TMC5: variants seen among roughly 807,000 people sequenced by gnomAD.
The protein encoded by TMC5 is transmembrane channel-like protein 5.
In TMC5, 86 loss-of-function variants were observed where a neutral mutation model predicts 110.5. The observed-to-expected ratio is 0.78, with a 90% confidence interval of 0.65 to 0.93. TMC5 has a LOEUF of 0.93. Among genes scored for constraint, TMC5 ranks in the 40% least tolerant of loss-of-function variants. TMC5 has a pLI of 0.00. For synonymous variants in TMC5, 455 were observed against 439.5 expected, an observed-to-expected ratio of 1.04 and a Z score of -0.44; for missense variants, 1,144 against 1,222.8, an observed-to-expected ratio of 0.94 and a Z score of 0.96.
At chr16:19,465,551 A>G (rs995020402) in intron 8 of TMC5, among the ~76,000 whole-genome samples, 4 of 152,022 alleles carry the variant, frequency 2.6e-5, no homozygotes, top group African/African-American at 7.2e-5. Context: ...AAATAAATAA[A>G]TAATCTCCCC....
chr16:19,462,377 G>T (rs1245895645), intron 6 of TMC5: 2 of 573,320 alleles, frequency 3.5e-6, no homozygotes, highest in Admixed American at 2.7e-5. Context: ...TGCCAATTGT[G>T]TGGGGGCAAA....
chr16:19,412,206 G>A lies in TMC5; in HGVS notation c.-308+1030G>A, dbSNP rs76795506. On this transcript the variant is annotated intron_variant, in intron 1 of 20. Transcript: ENST00000381414. ...CTGCCTCAGCCTCCCGAGTAGCTGG[G>A]ACCAAAGGCACGCACCACCATGCCT... is the stretch of plus-strand genomic sequence containing the variant. Among the ~76,000 whole-genome samples the A allele has an allele frequency of 4.8e-3, 722 of 151,802 alleles. 6 individuals are homozygous for A. Among genetic ancestry groups the A allele is most frequent in the African/African-American group, 0.016 (667 of 41,362 alleles).
At chr16:19,417,776 G>C (rs1176287257), upstream of TMC5, 1 of 152,206 alleles carries the variant, frequency 6.6e-6, no homozygotes, top group African/African-American at 2.4e-5. Context: ...GGTAGAGGTG[G>C]AAGACTGATT....
intron 8 of TMC5, among the ~76,000 whole-genome samples, chr16:19,465,077 C>A (rs993724611): frequency 1.6e-5 from 1 of 61,410 alleles, no homozygotes; most frequent in East Asian, 3.8e-4. Flanking sequence ...TCCTTCCTTC[C>A]TTCCTTCCTT....
intron 19 of TMC5, among the ~76,000 whole-genome samples, chr16:19,492,710 G>A (rs1968938329): frequency 6.6e-6 from 1 of 151,428 alleles, no homozygotes; most frequent in African/African-American, 2.4e-5. Context: ...AAAGTGCTGG[G>A]ATTACAGCCA....
At chr16:19,481,549 G>A (rs1462596621) in intron 15 of TMC5, 84 bp downstream of exon 15, 3 of 1,047,384 alleles carry the variant, frequency 2.9e-6, no homozygotes, top group Non-Finnish European at 4.5e-6. Flanking sequence ...CCCAGAATCT[G>A]TTGTTTTTAA....
rs571572054 is a variant in TMC5, at chr16:19,492,665, C to T, written c.2826+437C>T. On this transcript the variant is annotated intron_variant, in intron 19 of 21. Coordinates refer to ENST00000542583, the MANE Select transcript of TMC5 (RefSeq NM_001261841.2). ...TTCACCATGTTGGCCAGGCTGGTCT[C>T]GAACTGCTGACCTCAGGTGATCCAC... Among the ~76,000 whole-genome samples, 44 of 151,666 alleles carry T rather than the reference C, an allele frequency of 2.9e-4. 2 individuals are homozygous for T. The East Asian group carries it at 8.6e-3, about 30-fold the overall frequency.
At position 19,434,279 on chromosome 16, in the gene TMC5, T is replaced by C. The variant is rs1195515118; in HGVS notation, c.-80+3639T>C. On this transcript the variant is annotated intron_variant, in intron 2 of 21. Transcript: ENST00000542583. ...TATATATCTATAATATATATAGATC[T>C]ATATATAATATATATTATATGATCT... is the stretch of plus-strand genomic sequence containing the variant. Among the ~76,000 whole-genome samples, 5 of 123,374 alleles carry C rather than the reference T, an allele frequency of 4.1e-5. No homozygotes were observed. In the East Asian group the frequency reaches 1.0e-3, roughly 26 times the overall value. The allele number at this position is 123,374 out of a possible 152,430, so 80.9% of individuals were successfully genotyped here.
upstream of TMC5, among the ~76,000 whole-genome samples, chr16:19,413,773 C>T (rs1470499022): frequency 2.0e-5 from 3 of 152,106 alleles, no homozygotes; most frequent in African/African-American, 7.2e-5. Context: ...AGAACTCAGG[C>T]TCCAGAGCCA....
At position 19,481,484 on chromosome 16, in the gene TMC5, C is replaced by T. The variant is rs1037754937; in HGVS notation, c.2363+19C>T. The stretch of plus-strand genomic sequence containing the variant: ...TGGTGTGGTAAGTTTTGTGACTCAG[C>T]AAAATGCCCAGTGGTTCCCACATGA... On this transcript the variant is annotated intron_variant, in intron 15 of 21. Transcript: ENST00000542583. 2 of 1,546,172 alleles carry T rather than the reference C, an allele frequency of 1.3e-6. No individual in the cohort carries two copies. Among genetic ancestry groups the T allele is most frequent in the Admixed American group, 1.7e-5 (1 of 59,950 alleles).
At chr16:19,454,619 G>T (rs531833596) in intron 5 of TMC5, among the ~76,000 whole-genome samples, 49 of 152,284 alleles carry the variant, frequency 3.2e-4, no homozygotes, top group African/African-American at 1.1e-3. Context: ...TCACTGTTGG[G>T]AGAAGGAATA....
chr16:19,462,272 G>A (rs1406724893), intron 6 of TMC5, among the ~76,000 whole-genome samples: 1 of 152,100 alleles, frequency 6.6e-6, no homozygotes, highest in Non-Finnish European at 1.5e-5. Context: ...GTTCATTGTA[G>A]GGTGTGTAGC....
At chr16:19,461,509 G>A (rs1968021670) in intron 6 of TMC5, among the ~76,000 whole-genome samples, 1 of 152,082 alleles carries the variant, frequency 6.6e-6, no homozygotes, top group Non-Finnish European at 1.5e-5. Context: ...GGAAGGCAGA[G>A]GTTTCAGTGA....
rs562701351 is a variant in TMC5, at chr16:19,490,321, A to G, written c.2574-74A>G. 3.4e-6 allele frequency: 5 copies of G among 1,480,768 alleles called. No homozygotes were observed. In the African/African-American group the frequency reaches 6.9e-5, roughly 21 times the overall value. The allele number at this position is 1,480,768 out of a possible 1,614,324, so 91.7% of individuals were successfully genotyped here. On this transcript the variant is annotated intron_variant, in intron 17 of 21. Transcript: ENST00000542583. ...GATGTTTTCAGGCCCAGAGCCCAGA[A>G]GGGACACCCTGATTCTAGAATAACC...
rs1195493112 is a variant in TMC5, at chr16:19,470,770, A to G, written c.1782+945A>G. ...AAAAAGCAGCTGGGCATGGTGGCTC[A>G]TGCCTCTAATCCCAGCAATTTGGGA... On this transcript the variant is annotated intron_variant, in intron 10 of 21. Coordinates refer to ENST00000542583, the MANE Select transcript of TMC5 (RefSeq NM_001261841.2). Among the ~76,000 whole-genome samples, 5 of 143,916 alleles carry G rather than the reference A, an allele frequency of 3.5e-5. No homozygotes were observed. The East Asian group carries it at 1.0e-3, about 29-fold the overall frequency. The allele number at this position is 143,916 out of a possible 152,430, so 94.4% of individuals were successfully genotyped here. A position where few individuals can be genotyped will look rare whatever the true frequency, so the allele number is the denominator to read the frequency against.
chr16:19,469,078 T>C (rs1447299944), intron 9 of TMC5, among the ~76,000 whole-genome samples: 2 of 152,310 alleles, frequency 1.3e-5, no homozygotes, highest in African/African-American at 2.4e-5. Context: ...TGTGTTGTTT[T>C]TAGCCGCTAA....
chr16:19,465,045 TTCTTTCTTTCTTTTCCTTCC>T lies in TMC5; in HGVS notation c.1485+1023_1486-1016del, dbSNP rs1457844286. ...TTTCTTTCTTTCTTTCTTTCTTTCT[TTCTTTCTTTCTTTTCCTTCC>T]TTCCTTCCTTCCTTCCTTCCTTCCT... On this transcript the variant is annotated intron_variant, in intron 8 of 21. Transcript: ENST00000542583. 5.3e-3 allele frequency among the ~76,000 whole-genome samples: 570 copies of T among 107,668 alleles called. 5 individuals carry two copies. The highest frequency in any genetic ancestry group is 0.018 in the African/African-American group (428 of 23,214). The allele number at this position is 107,668 out of a possible 152,430, so 70.6% of individuals were successfully genotyped here.
intron 1 of TMC5, among the ~76,000 whole-genome samples, chr16:19,420,798 C>A (rs1316650394): frequency 6.6e-6 from 1 of 152,138 alleles, no homozygotes; most frequent in African/African-American, 2.4e-5. Context: ...AAAAGACAGT[C>A]CTGTGTTTAG....
upstream of TMC5, among the ~76,000 whole-genome samples, chr16:19,413,240 C>A (rs1228029564): frequency 6.6e-6 from 1 of 152,076 alleles, no homozygotes; most frequent in Non-Finnish European, 1.5e-5. Context: ...TGTGCCAGGG[C>A]AGGCTGGGCA....
Sources: gnomAD v4.1 joint callset for allele counts (sites outside exome capture counted in the v4.1 genomes callset) on GRCh38, gnomAD v4.1.1 for gene constraint, MANE v1.5 for transcripts, NCBI Gene and HGNC (gene_info 2026-07-23, HGNC 2026-07-21) for gene names.